Variants in TTC39C observed in about 807,000 individuals in gnomAD.
TTC39C encodes tetratricopeptide repeat protein 39C.
In TTC39C, 33 loss-of-function variants were observed where a neutral mutation model predicts 76.3. The observed-to-expected ratio is 0.43, with a 90% CI of 0.33 to 0.58. The LOEUF is 0.58. Among genes scored for constraint, TTC39C ranks in the 20% least tolerant of loss-of-function variants. The probability of loss-of-function intolerance (pLI) is 0.04; values close to 1 mark genes in which losing one functional copy is unlikely to be tolerated. For synonymous variants in TTC39C, 254 were observed against 260.6 expected (o/e 0.97, Z 0.24); for missense variants, 595 against 701.4 (o/e 0.85, Z 1.71).
rs1395457230 is a variant in TTC39C, at chr18:24,135,354, A to C, written c.*2780A>C. 6.6e-6 allele frequency: 1 copy of C among 152,420 alleles called. No homozygotes were observed. Among genetic ancestry groups the C allele is most frequent in the South Asian group, 2.1e-4 (1 of 4,806 alleles). The allele number at this position is 152,420 out of a possible 1,614,324, so 9.4% of individuals were successfully genotyped here. The stretch of plus-strand genomic sequence containing the variant: ...CTTGGTACAGATGGCGCCTGTGGTA[A>C]ATCTGTGTTAACATGGTGGTAGACC... On this transcript the variant is annotated 3_prime_UTR_variant, in exon 14 of 14. Transcript: ENST00000317571.
intron 1 of TTC39C, among the ~76,000 whole-genome samples, chr18:24,018,388 C>CAT (rs1169550390): frequency 1.3e-5 from 2 of 151,760 alleles, no homozygotes; most frequent in African/African-American, 4.8e-5. Flanking sequence ...CCCCTCCACA[C>CAT]ACACACACTC....
intron 1 of TTC39C, among the ~76,000 whole-genome samples, chr18:24,009,250 A>G (rs908774858): frequency 2.0e-5 from 3 of 152,128 alleles, no homozygotes; most frequent in Admixed American, 6.5e-5. Flanking sequence ...CTGTTAAACA[A>G]TCCAGAGAAA....
At chr18:24,058,634 T>A (rs1400723872) in intron 1 of TTC39C, among the ~76,000 whole-genome samples, 1 of 151,696 alleles carries the variant, frequency 6.6e-6, no homozygotes, top group African/African-American at 2.4e-5. Context: ...GGTGTCAGAG[T>A]GAGACTCTGT....
rs2085157570 is a variant in TTC39C at position 24,133,276 on chromosome 18, G to GT, written c.*704dup. ...TAAAAGAACAAAATCTTCAGCTGAA[G>GT]TTATGTCACCAGAAATAGTCATCTC... On this transcript the variant is annotated 3_prime_UTR_variant, in exon 14 of 14. Transcript: ENST00000317571. 4 of 152,308 alleles carry GT rather than the reference G, an allele frequency of 2.6e-5. No homozygotes were observed. In the South Asian group the frequency reaches 8.3e-4, roughly 32 times the overall value. The allele number at this position is 152,308 out of a possible 1,614,324, so 9.4% of individuals were successfully genotyped here.
chr18:24,105,503 CAT>C (rs1316082180), intron 6 of TTC39C, among the ~76,000 whole-genome samples: 1 of 152,174 alleles, frequency 6.6e-6, no homozygotes, highest in African/African-American at 2.4e-5. Context: ...CACACACACA[CAT>C]GCCTGCACAT....
At chr18:24,117,312 C>T (rs1033785489) in intron 7 of TTC39C, among the ~76,000 whole-genome samples, 1 of 152,096 alleles carries the variant, frequency 6.6e-6, no homozygotes, top group Non-Finnish European at 1.5e-5. Flanking sequence ...CTGTTTCGAT[C>T]CAGGAAGGTG....
intron 1 of TTC39C, among the ~76,000 whole-genome samples, chr18:24,023,943 T>G (rs1419841765): frequency 2.7e-4 from 5 of 18,864 alleles, no homozygotes; most frequent in South Asian, 1.8e-3. Flanking sequence ...CATATATATA[T>G]ATGCATGTAT....
At chr18:23,993,497 G>A (rs57707623) in intron 1 of TTC39C, among the ~76,000 whole-genome samples, 1 of 152,218 alleles carries the variant, frequency 6.6e-6, no homozygotes, top group East Asian at 1.9e-4. Flanking sequence ...TAATTTACTA[G>A]ACCCTCACTT....
At chr18:24,090,611 A>C (rs749115343) in intron 6 of TTC39C, among the ~76,000 whole-genome samples, 2 of 151,866 alleles carry the variant, frequency 1.3e-5, no homozygotes, top group Non-Finnish European at 2.9e-5. Flanking sequence ...TCCTAAACTC[A>C]AGGGCCCCAA....
intron 4 of TTC39C, among the ~76,000 whole-genome samples, chr18:24,076,595 A>T (rs2084310853): frequency 6.6e-6 from 1 of 151,926 alleles, no homozygotes; most frequent in Non-Finnish European, 1.5e-5. Flanking sequence ...AGAGTGTGGG[A>T]TGGAGAGTAG....
chr18:24,083,064 C>T lies in TTC39C; in HGVS notation c.967C>T (p.Arg323Trp), dbSNP rs1379955250. The change falls in exon 6 of 14, where the codon CGG (arginine) becomes TGG (tryptophan). Residue 323 changes from arginine to tryptophan, a missense_variant. Transcript: ENST00000317571. ...NSSLFMFFKG[R>W]IQRLECQINS... The stretch of plus-strand genomic sequence containing the variant: ...TTCCCTCTTTATGTTTTTCAAGGGA[C>T]GGATACAACGACTAGAGGTACTGTA... The T allele has an allele frequency of 1.1e-5, 17 of 1,613,704 alleles. No homozygotes were observed. The highest frequency in any genetic ancestry group is 5.0e-5 in the Admixed American group (3 of 59,974).
At chr18:24,025,655 T>C (rs1374035785) in intron 1 of TTC39C, among the ~76,000 whole-genome samples, 1 of 152,198 alleles carries the variant, frequency 6.6e-6, no homozygotes, top group Non-Finnish European at 1.5e-5. Flanking sequence ...CTTGGGTCGT[T>C]GGTCCCATTC....
chr18:24,121,896 G>A (rs1038815178), intron 8 of TTC39C, among the ~76,000 whole-genome samples: 10 of 152,162 alleles, frequency 6.6e-5, no homozygotes, highest in Admixed American at 4.6e-4. Flanking sequence ...GCTTCATTCT[G>A]GTTTGGAAAT....
intron 12 of TTC39C, among the ~76,000 whole-genome samples, chr18:24,131,264 C>T (rs1017249546): frequency 6.6e-6 from 1 of 150,478 alleles, no homozygotes; most frequent in African/African-American, 2.4e-5. Flanking sequence ...CAGATAAAAC[C>T]TTTTGATAAT....
intron 6 of TTC39C, among the ~76,000 whole-genome samples, chr18:24,095,168 C>T (rs2084573613): frequency 6.6e-6 from 1 of 152,224 alleles, no homozygotes; most frequent in Admixed American, 6.5e-5. Context: ...CCTTAAACCT[C>T]ATGAACCAAC....
chr18:24,100,328 T>G (rs924469858), intron 6 of TTC39C, among the ~76,000 whole-genome samples: 5 of 152,214 alleles, frequency 3.3e-5, no homozygotes, highest in African/African-American at 1.2e-4. Flanking sequence ...AGCTCAGGGT[T>G]TAGGGCTCAC....
chr18:24,029,613 A>G (rs907799080), intron 1 of TTC39C, among the ~76,000 whole-genome samples: 1 of 152,176 alleles, frequency 6.6e-6, no homozygotes, highest in African/African-American at 2.4e-5. Context: ...TCACCCAAGC[A>G]GTGTACACTG....
Position 24,132,661 on chromosome 18 carries a change from G to T in TTC39C, c.*87G>T. 2 of 1,165,442 alleles carry T rather than the reference G, an allele frequency of 1.7e-6. No individual in the cohort carries two copies. The highest frequency in any genetic ancestry group is 1.2e-6 in the Non-Finnish European group (1 of 825,972). 72.2% of individuals were successfully genotyped at this position (1,165,442 alleles called of 1,614,324 possible). Reference sequence around the variant, plus strand: ...GAGGACAAAGCTCTTGTGAAGATGGGCTTTTCTTCTGAAAACCACCTGTGC... The same window carrying T: ...GAGGACAAAGCTCTTGTGAAGATGGTCTTTTCTTCTGAAAACCACCTGTGC... On this transcript the variant is annotated 3_prime_UTR_variant, in exon 14 of 14. Coordinates refer to ENST00000317571, the MANE Select transcript of TTC39C (RefSeq NM_001135993.2).
intron 1 of TTC39C, among the ~76,000 whole-genome samples, chr18:24,023,618 G>A (rs547336528): frequency 2.6e-5 from 4 of 152,104 alleles, no homozygotes; most frequent in East Asian, 3.9e-4. Context: ...GTACCCCTAG[G>A]GGGTGGTGCT....
Sources: allele counts gnomAD v4.1 joint callset (sites outside exome capture counted in the v4.1 genomes callset), GRCh38; gene constraint gnomAD v4.1.1; transcripts MANE v1.5; gene names NCBI Gene and HGNC (gene_info 2026-07-23, HGNC 2026-07-21).